Variants in ZNF573 observed in about 807,000 individuals in gnomAD.
ZNF573 encodes the protein zinc finger protein 573.
Under a neutral mutation model 57.4 loss-of-function variants are expected in ZNF573, and 41 were observed. The ratio of observed to expected loss-of-function variants is 0.71; its 90% CI spans 0.56 to 0.93. ZNF573 has a LOEUF of 0.93. Among genes scored for constraint, ZNF573 ranks in the 40% least tolerant of loss-of-function variants. ZNF573 has a pLI of 0.00. For missense variants in ZNF573, 730 were observed against 794.8 expected (o/e 0.92, Z 0.98); for synonymous variants, 249 against 261.0 (o/e 0.95, Z 0.44).
rs747897502 is a variant in ZNF573 at position 37,739,998 on chromosome 19, G to A, written c.492C>T (p.Cys164=). The change falls in exon 5 of 5, where the codon TGC becomes TGT. Residue 164 remains cysteine, a synonymous_variant. Transcript: ENST00000536220. ...TACGAAAGTTCTTCCCACACTCTTT[G>A]CATTCATAGGGTCTCTCAATGACAT... ...RFHVIERPYE[C]KECGKNFRSG... The A allele has an allele frequency of 6.2e-7, 1 of 1,614,122 alleles. No homozygotes were observed. Among genetic ancestry groups the A allele is most frequent in the Non-Finnish European group, 8.5e-7 (1 of 1,179,990 alleles).
At chr19:37,742,315 G>C (rs564013399) in intron 4 of ZNF573, among the ~76,000 whole-genome samples, 2 of 152,034 alleles carry the variant, frequency 1.3e-5, no homozygotes, top group African/African-American at 4.8e-5. Flanking sequence ...CACAGAATTA[G>C]AAAAAAACTG....
chr19:37,774,009 G>A (rs2045683372), intron 1 of ZNF573, among the ~76,000 whole-genome samples: 2 of 151,976 alleles, frequency 1.3e-5, no homozygotes, highest in Non-Finnish European at 2.9e-5. Flanking sequence ...GCTCCAATTT[G>A]GGAAGGCTGA....
rs3095726 is a variant in ZNF573 at position 37,738,923 on chromosome 19, T to C, written c.1567A>G (p.Met523Val). 0.81 allele frequency: 1,299,148 copies of C among 1,613,578 alleles called. 530,707 individuals carry two copies. The highest frequency in any genetic ancestry group is 0.97 in the African/African-American group (72,544 of 75,004). Reference sequence around the variant, plus strand: ...CATACCTTACATTCATAGGGTTTCATACCAGTATGAATTTTCTGATGTTGA... The same window carrying C: ...CATACCTTACATTCATAGGGTTTCACACCAGTATGAATTTTCTGATGTTGA... The part of the protein sequence containing the change: ...LNQHQKIHTG[M>V]KPYECKVCRK... Residue 523 changes from methionine to valine, a missense_variant, in exon 5 of 5, where the codon ATG (methionine) becomes GTG (valine). By Grantham distance (21) the Met-to-Val change is conservative. Transcript: ENST00000536220.
At chr19:37,772,785 C>T (rs1221085788) in intron 2 of ZNF573, among the ~76,000 whole-genome samples, 1 of 152,026 alleles carries the variant, frequency 6.6e-6, no homozygotes, top group Non-Finnish European at 1.5e-5. Context: ...AGGGGCAAGT[C>T]ACCATGCCCA....
At chr19:37,752,776 A>G (rs938754286) in intron 4 of ZNF573, among the ~76,000 whole-genome samples, 3 of 152,128 alleles carry the variant, frequency 2.0e-5, no homozygotes, top group Admixed American at 2.0e-4. Flanking sequence ...CTGGGACAAC[A>G]GGCACATGCC....
chr19:37,774,304 AT>A (rs1218618463), intron 1 of ZNF573, among the ~76,000 whole-genome samples: 1 of 151,122 alleles, frequency 6.6e-6, no homozygotes, highest in African/African-American at 2.4e-5. Context: ...CACCTAGCTA[AT>A]TTTTTTTGTA....
chr19:37,740,743 G>GC (rs2045319667), intron 4 of ZNF573: 1 of 370,790 alleles, frequency 2.7e-6, no homozygotes, highest in South Asian at 2.1e-5. Flanking sequence ...CTTGGTATCT[G>GC]TGGAGGATCA....
Position 37,739,747 on chromosome 19 carries a change from C to A in ZNF573, c.743G>T (p.Cys248Phe). 1 of 1,613,950 alleles carries A rather than the reference C, an allele frequency of 6.2e-7. No homozygotes were observed. Among genetic ancestry groups the A allele is most frequent in the Non-Finnish European group, 8.5e-7 (1 of 1,179,926 alleles). ...RIHTGGKPYE[C>F]QECGRAFSQG... Reference sequence around the variant, plus strand: ...ACTAAAGGCCCTCCCACACTCCTGACATTCATACGGCTTCCCACCAGTGTG... The same window carrying A: ...ACTAAAGGCCCTCCCACACTCCTGAAATTCATACGGCTTCCCACCAGTGTG... The change falls in exon 5 of 5, where the codon TGT becomes TTT. Residue 248 changes from cysteine (C) to phenylalanine (F), a missense_variant. By Grantham distance (205) the Cys-to-Phe change is radical. Transcript: ENST00000536220.
chr19:37,771,634 G>T lies in ZNF573; in HGVS notation c.132C>A (p.Tyr44Ter). The T allele has an allele frequency of 6.2e-7, 1 of 1,602,208 alleles. No individual in the cohort carries two copies. Among genetic ancestry groups the T allele is most frequent in the Non-Finnish European group, 8.5e-7 (1 of 1,176,038 alleles). ...AIDFSRQEWE[Y>*]LDPNQRDLYR... ...ATAAGTCCCTCTGATTAGGGTCCAG[G>T]TATTCCCACTCCTGCCGAGAGAAGT... is the stretch of plus-strand genomic sequence containing the variant. Residue 44 changes from tyrosine (Y) to a stop codon, truncating the protein, a stop_gained, in exon 3 of 5, where the codon TAC becomes TAA. Coordinates refer to ENST00000536220, the MANE Select transcript of ZNF573 (RefSeq NM_001172690.2). LOFTEE classifies it high-confidence loss of function.
At chr19:37,768,948 G>A (rs1198306770) in intron 4 of ZNF573, among the ~76,000 whole-genome samples, 1 of 151,418 alleles carries the variant, frequency 6.6e-6, no homozygotes, top group Admixed American at 6.6e-5. Flanking sequence ...TTACAGGCGT[G>A]AGCCGCTGCG....
intron 4 of ZNF573, among the ~76,000 whole-genome samples, chr19:37,765,628 T>G (rs1435926558): frequency 2.0e-5 from 3 of 152,100 alleles, no homozygotes; most frequent in Non-Finnish European, 4.4e-5. Context: ...GAGAATCGCT[T>G]GAACCTGGGA....
In ZNF573 at chr19:37,777,884, G is replaced by T. The variant is rs564326312; in HGVS notation, c.-23+1660C>A. On this transcript the variant is annotated intron_variant, in intron 1 of 4. Transcript: ENST00000536220. ...TAAAAATACAAAAAATTAGCCGGGC[G>T]TGGTGGCGGGCGCCTGTAGTCCCAG... 3.3e-5 allele frequency among the ~76,000 whole-genome samples: 5 copies of T among 151,500 alleles called. No homozygotes were observed. The East Asian group carries it at 9.8e-4, about 30-fold the overall frequency.
chr19:37,762,833 G>A (rs56019862), intron 4 of ZNF573, among the ~76,000 whole-genome samples: 41 of 150,598 alleles, frequency 2.7e-4, no homozygotes, highest in African/African-American at 8.5e-4. Context: ...GTGCAGTGGT[G>A]CGATCTCGGC....
intron 4 of ZNF573, among the ~76,000 whole-genome samples, chr19:37,758,203 ATATATATATATATATATATAT>A (rs1397534303): frequency 0.032 from 1,641 of 52,014 alleles, 259 homozygotes; most frequent in Middle Eastern, 0.054. Context: ...GTATAATAAA[ATATATATATATATATATATAT>A]ATATATATAT....
chr19:37,769,727 GAAAAAAAAAAA>G (rs397944905), intron 4 of ZNF573, among the ~76,000 whole-genome samples: 3 of 55,222 alleles, frequency 5.4e-5, no homozygotes, highest in African/African-American at 2.1e-4. Context: ...CTCTGTCTCG[GAAAAAAAAAAA>G]AAAAAAAAAA....
At chr19:37,751,763 A>G (rs574198306) in intron 4 of ZNF573, among the ~76,000 whole-genome samples, 2 of 115,904 alleles carry the variant, frequency 1.7e-5, no homozygotes, top group East Asian at 5.1e-4. Context: ...TATATACTGT[A>G]TATAGTACAT....
chr19:37,758,220 T>C (rs1277802752), intron 4 of ZNF573, among the ~76,000 whole-genome samples: 1 of 12,582 alleles, frequency 7.9e-5, no homozygotes, highest in East Asian at 1.7e-3. Context: ...TATATATATA[T>C]ATATATATAT....
chr19:37,754,172 C>T (rs956338305), intron 4 of ZNF573, among the ~76,000 whole-genome samples: 1 of 152,042 alleles, frequency 6.6e-6, no homozygotes, highest in South Asian at 2.1e-4. Context: ...GTTGTGTGGT[C>T]AATTTGTATA....
chr19:37,767,521 C>A (rs1187351568), intron 4 of ZNF573, among the ~76,000 whole-genome samples: 2 of 152,214 alleles, frequency 1.3e-5, no homozygotes, highest in Non-Finnish European at 2.9e-5. Context: ...GCGTGAGCCA[C>A]CATGCCCGGC....
Sources: allele counts gnomAD v4.1 joint callset (sites outside exome capture counted in the v4.1 genomes callset), GRCh38; gene constraint gnomAD v4.1.1; transcripts MANE v1.5; gene names NCBI Gene and HGNC (gene_info 2026-07-23, HGNC 2026-07-21).